Variants in TTLL5 observed in about 807,000 individuals in gnomAD.
TTLL5 encodes tubulin tyrosine ligase like 5.
Under a neutral mutation model 168.4 loss-of-function variants are expected in TTLL5, and 132 were observed. The observed-to-expected ratio is 0.78, with a 90% CI of 0.68 to 0.91. TTLL5 has a LOEUF of 0.91. TTLL5 is among the 40% of genes least tolerant of loss of function. The pLI is 0.00. For synonymous variants in TTLL5, 546 were observed against 558.6 expected (o/e 0.98, Z 0.32); for missense variants, 1,545 against 1,581.5 (o/e 0.98, Z 0.39).
At chr14:75,820,646 T>C (rs750081747) in intron 28 of TTLL5, 1 of 154,268 alleles carries the variant, frequency 6.5e-6, no homozygotes, top group Non-Finnish European at 1.5e-5. Context: ...ACAATGCTCA[T>C]TTGGGAAGTG....
intron 30 of TTLL5, among the ~76,000 whole-genome samples, chr14:75,888,850 G>A (rs1051418500): frequency 1.3e-5 from 2 of 150,878 alleles, no homozygotes; most frequent in Non-Finnish European, 2.9e-5. Context: ...CTGGAGAATC[G>A]CTTGAACCTG....
chr14:75,822,753 A>G (rs1894901975), intron 28 of TTLL5, among the ~76,000 whole-genome samples: 1 of 152,144 alleles, frequency 6.6e-6, no homozygotes, highest in Non-Finnish European at 1.5e-5. Context: ...ATCACCCCAA[A>G]TGTAGCCTCA....
chr14:75,910,794 G>T (rs995076), intron 31 of TTLL5, among the ~76,000 whole-genome samples: 126,708 of 152,256 alleles, frequency 0.83, 52,823 homozygotes, highest in Admixed American at 0.88. Flanking sequence ...TTTTTATCCT[G>T]TATTCTTTCA....
At chr14:75,879,259 T>C (rs2031671206) in intron 29 of TTLL5, among the ~76,000 whole-genome samples, 2 of 152,228 alleles carry the variant, frequency 1.3e-5, no homozygotes. Flanking sequence ...CAGAGAGAAT[T>C]GAGTAAATAT....
chr14:75,699,747 C>T (rs1003807859), intron 7 of TTLL5, among the ~76,000 whole-genome samples: 3 of 152,102 alleles, frequency 2.0e-5, no homozygotes, highest in African/African-American at 7.2e-5. Flanking sequence ...CCTCTTTCTG[C>T]CCTTCTTCGT....
chr14:75,863,745 C>G lies in TTLL5; in HGVS notation c.3405C>G (p.Pro1135=). 4.3e-6 allele frequency: 7 copies of G among 1,613,528 alleles called. No homozygotes were observed. The highest frequency in any genetic ancestry group is 5.9e-6 in the Non-Finnish European group (7 of 1,179,844). The change falls in exon 29 of 32, where the codon CCC becomes CCG. Residue 1135 remains proline, a synonymous_variant. Coordinates refer to ENST00000298832, the MANE Select transcript of TTLL5 (RefSeq NM_015072.5). ...ACAGCCAGGCTACAGGGGTGGTCCC[C>G]CAGCACAAGTATCACCCCACAGCAG... The part of the protein sequence containing the change: ...NVYSQATGVV[P]QHKYHPTAGS...
chr14:75,937,251 G>A (rs1477002129), intron 31 of TTLL5, among the ~76,000 whole-genome samples: 2 of 151,672 alleles, frequency 1.3e-5, no homozygotes, highest in Admixed American at 6.6e-5. Context: ...CTAGTAGCTG[G>A]GTTTACAGGC....
chr14:75,741,526 C>CTT (rs757442784), intron 15 of TTLL5, among the ~76,000 whole-genome samples: 2 of 137,190 alleles, frequency 1.5e-5, no homozygotes, highest in African/African-American at 2.7e-5. Flanking sequence ...AGTCTGATTC[C>CTT]TTTTTTTTTT....
chr14:75,915,606 A>G (rs2033588322), intron 31 of TTLL5, among the ~76,000 whole-genome samples: 1 of 152,264 alleles, frequency 6.6e-6, no homozygotes, highest in Non-Finnish European at 1.5e-5. Flanking sequence ...TACAATAAGC[A>G]TAAAAATATC....
At chr14:75,935,491 C>T (rs1171909132) in intron 31 of TTLL5, among the ~76,000 whole-genome samples, 1 of 152,190 alleles carries the variant, frequency 6.6e-6, no homozygotes, top group Non-Finnish European at 1.5e-5. Context: ...GATTCTAGGG[C>T]CCATTTCAGT....
intron 29 of TTLL5, among the ~76,000 whole-genome samples, chr14:75,873,779 G>A (rs370275997): frequency 2.6e-5 from 4 of 151,914 alleles, no homozygotes; most frequent in African/African-American, 9.7e-5. Flanking sequence ...CAATGAACAC[G>A]GATGTACAAA....
chr14:75,899,100 T>C (rs1277534303), intron 30 of TTLL5, among the ~76,000 whole-genome samples: 2 of 152,232 alleles, frequency 1.3e-5, no homozygotes, highest in Non-Finnish European at 2.9e-5. Context: ...CTAGTAATAG[T>C]TCATGTATAT....
intron 27 of TTLL5, among the ~76,000 whole-genome samples, chr14:75,816,971 C>CTTTTT (rs1388428211): frequency 2.0e-5 from 2 of 101,528 alleles, no homozygotes; most frequent in African/African-American, 7.4e-5. Flanking sequence ...TCTTCCCTGT[C>CTTTTT]TTATTTTTTT....
chr14:75,870,143 A>C (rs1221162575), intron 29 of TTLL5, among the ~76,000 whole-genome samples: 4 of 152,050 alleles, frequency 2.6e-5, no homozygotes, highest in African/African-American at 9.7e-5. Flanking sequence ...GACTCCGATG[A>C]AACTATGTTT....
chr14:75,920,670 C>G (rs1297274648), intron 31 of TTLL5, among the ~76,000 whole-genome samples: 5 of 152,142 alleles, frequency 3.3e-5, no homozygotes, highest in Non-Finnish European at 5.9e-5. Flanking sequence ...TTGGGTTGGT[C>G]CAAGTCTTTG....
At chr14:75,926,524 T>C (rs2034077237) in intron 31 of TTLL5, among the ~76,000 whole-genome samples, 1 of 152,126 alleles carries the variant, frequency 6.6e-6, no homozygotes, top group Non-Finnish European at 1.5e-5. Flanking sequence ...AGGATTTGAA[T>C]AGACATTTCT....
intron 18 of TTLL5, among the ~76,000 whole-genome samples, chr14:75,757,459 C>A (rs754951464): frequency 1.3e-5 from 2 of 152,136 alleles, no homozygotes; most frequent in South Asian, 2.1e-4. Context: ...CCGGCCATGG[C>A]AGGTCAAAAA....
chr14:75,921,728 A>G (rs1001972914), intron 31 of TTLL5, among the ~76,000 whole-genome samples: 2 of 152,168 alleles, frequency 1.3e-5, no homozygotes, highest in Admixed American at 6.5e-5. Context: ...TTGGTTCCAT[A>G]TGAACTTTAA....
intron 28 of TTLL5, among the ~76,000 whole-genome samples, chr14:75,842,293 C>T (rs192697582): frequency 8.1e-4 from 123 of 152,326 alleles, no homozygotes; most frequent in South Asian, 2.5e-3. Context: ...TTCCTCTGGA[C>T]TGTCGCTCTC....
Sources: allele counts gnomAD v4.1 joint callset (sites outside exome capture counted in the v4.1 genomes callset), GRCh38; gene constraint gnomAD v4.1.1; transcripts MANE v1.5; gene names NCBI Gene and HGNC (gene_info 2026-07-23, HGNC 2026-07-21).